LINGO2: variants seen among roughly 807,000 people sequenced by gnomAD.
LINGO2 encodes the protein leucine-rich repeat and immunoglobulin-like domain-containing nogo receptor-interacting protein 2.
In LINGO2, 14 loss-of-function variants were observed where a neutral mutation model predicts 30.6. The ratio of observed to expected loss-of-function variants is 0.46; its 90% CI spans 0.30 to 0.72. The LOEUF is 0.72. Ranked by LOEUF, LINGO2 falls within the 30% of genes least tolerant of loss-of-function variation. The pLI is 0.07. For missense variants in LINGO2, 729 were observed against 751.7 expected, an observed-to-expected ratio of 0.97 and a Z score of 0.35; for synonymous variants, 317 against 288.5, an observed-to-expected ratio of 1.10 and a Z score of -1.00.
Position 28,651,651 on chromosome 9 carries a change from A to G in LINGO2, c.-365+18549T>C, listed in dbSNP as rs186822107. ...ATTTCCATAATCGTATTAATGTACT[A>G]TGTTTTAGTAAAACTTGTTATTTAA... On this transcript the variant is annotated intron_variant, in intron 1 of 5. Transcript: ENST00000379992. Among the ~76,000 whole-genome samples, 20 of 151,848 alleles carry G rather than the reference A, an allele frequency of 1.3e-4. No homozygotes were observed. The South Asian group carries it at 2.7e-3, about 21-fold the overall frequency.
intron 1 of LINGO2, among the ~76,000 whole-genome samples, chr9:28,634,776 G>A (rs529928663): frequency 4.3e-4 from 65 of 152,138 alleles, no homozygotes; most frequent in African/African-American, 1.4e-3. Context: ...ATGAGCCACC[G>A]CACCCGGCCT....
chr9:27,991,645 C>T (rs1007266059), intron 5 of LINGO2, among the ~76,000 whole-genome samples: 24 of 152,044 alleles, frequency 1.6e-4, no homozygotes, highest in African/African-American at 5.3e-4. Flanking sequence ...ACAAGTAAAA[C>T]ATTGATCATG....
At chr9:28,441,819 C>T (rs1824208803) in intron 2 of LINGO2, among the ~76,000 whole-genome samples, 1 of 152,028 alleles carries the variant, frequency 6.6e-6, no homozygotes, top group South Asian at 2.1e-4. Flanking sequence ...AGATTTATTG[C>T]AAACAAATAA....
chr9:28,354,173 G>A (rs553261417), intron 3 of LINGO2, among the ~76,000 whole-genome samples: 33 of 152,066 alleles, frequency 2.2e-4, no homozygotes, highest in Middle Eastern at 3.4e-3. Context: ...TGCTGTTCAC[G>A]TCATATGAGT....
At chr9:28,036,166 T>C (rs1823925088) in intron 4 of LINGO2, among the ~76,000 whole-genome samples, 2 of 152,230 alleles carry the variant, frequency 1.3e-5, no homozygotes, top group Non-Finnish European at 2.9e-5. Context: ...TATTAAGGAC[T>C]GTTTTGTGCT....
At chr9:28,850,624 C>G in the LINGO2 span, among the ~76,000 whole-genome samples, 1 of 151,944 alleles carries the variant, frequency 6.6e-6, no homozygotes, top group Non-Finnish European at 1.5e-5. Flanking sequence ...CAGTGATGTT[C>G]CAGAGGAGGG....
the LINGO2 span, among the ~76,000 whole-genome samples, chr9:29,164,323 G>T: frequency 6.6e-6 from 1 of 152,062 alleles, no homozygotes; most frequent in Admixed American, 6.6e-5. Context: ...CTACTAAGTG[G>T]GGATAGTATC....
At chr9:28,957,255 A>AGAGGAAATTTCCTTTTGAAAAGAT in the LINGO2 span, among the ~76,000 whole-genome samples, 2 of 152,190 alleles carry the variant, frequency 1.3e-5, no homozygotes, top group Non-Finnish European at 2.9e-5. Context: ...AATGAGCACA[A>AGAGGAAATTTCCTTTTGAAAAGAT]GAGGAAATTT....
At chr9:28,245,505 T>C (rs1330236873) in intron 4 of LINGO2, among the ~76,000 whole-genome samples, 1 of 152,088 alleles carries the variant, frequency 6.6e-6, no homozygotes, top group Non-Finnish European at 1.5e-5. Context: ...AGAGACAAAG[T>C]CAAACTGTCT....
intron 5 of LINGO2, among the ~76,000 whole-genome samples, chr9:27,995,770 G>C (rs564795118): frequency 2.6e-4 from 39 of 152,144 alleles, no homozygotes; most frequent in Non-Finnish European, 4.4e-4. Context: ...CATACTGAAT[G>C]GGGCAAAATT....
At chr9:28,783,073 C>T in the LINGO2 span, among the ~76,000 whole-genome samples, 1 of 152,114 alleles carries the variant, frequency 6.6e-6, no homozygotes, top group Non-Finnish European at 1.5e-5. Context: ...GAGCAACTGG[C>T]ATATATTCAG....
chr9:28,355,130 G>A (rs1159313540), intron 3 of LINGO2, among the ~76,000 whole-genome samples: 1 of 152,030 alleles, frequency 6.6e-6, no homozygotes, highest in Non-Finnish European at 1.5e-5. Flanking sequence ...AAACATAGCA[G>A]TCTAATAGAC....
intron 4 of LINGO2, among the ~76,000 whole-genome samples, chr9:28,258,311 C>T (rs559812849): frequency 1.3e-5 from 2 of 151,964 alleles, no homozygotes; most frequent in South Asian, 4.1e-4. Context: ...TCTCTCCCAT[C>T]CTAAGAGAAA....
At chr9:28,874,775 A>G in the LINGO2 span, among the ~76,000 whole-genome samples, 1 of 152,074 alleles carries the variant, frequency 6.6e-6, no homozygotes, top group Non-Finnish European at 1.5e-5. Context: ...AGACTTTATT[A>G]AGGATTCCCA....
the LINGO2 span, among the ~76,000 whole-genome samples, chr9:28,748,524 A>G: frequency 6.6e-6 from 1 of 152,054 alleles, no homozygotes; most frequent in Non-Finnish European, 1.5e-5. Context: ...TGTTATTGAG[A>G]GTGGAAGTAC....
the LINGO2 span, among the ~76,000 whole-genome samples, chr9:28,976,292 C>A: frequency 6.6e-6 from 1 of 152,132 alleles, no homozygotes; most frequent in Non-Finnish European, 1.5e-5. Context: ...GAACCCTAGA[C>A]AGTGATCTCA....
the LINGO2 span, among the ~76,000 whole-genome samples, chr9:28,876,062 A>C: frequency 2.0e-5 from 3 of 152,200 alleles, no homozygotes; most frequent in South Asian, 6.2e-4. Flanking sequence ...GTATTTTTTA[A>C]ACCATGTTAA....
At chr9:29,105,130 T>C in the LINGO2 span, among the ~76,000 whole-genome samples, 5 of 152,320 alleles carry the variant, frequency 3.3e-5, no homozygotes, top group East Asian at 7.7e-4. Context: ...TCATCAAATC[T>C]TCATTATTTT....
chr9:28,290,412 C>G (rs759141935), intron 4 of LINGO2, among the ~76,000 whole-genome samples: 1 of 152,166 alleles, frequency 6.6e-6, no homozygotes, highest in African/African-American at 2.4e-5. Flanking sequence ...GGCTCCTGCT[C>G]TCTCCAGCAA....
Sources: allele counts gnomAD v4.1 joint callset (sites outside exome capture counted in the v4.1 genomes callset), GRCh38; gene constraint gnomAD v4.1.1; transcripts MANE v1.5; gene names NCBI Gene and HGNC (gene_info 2026-07-23, HGNC 2026-07-21).